DNAJC6: variants seen among roughly 807,000 people sequenced by gnomAD.
The protein encoded by DNAJC6 is DnaJ heat shock protein family (Hsp40) member C6, also known as auxilin.
Under a neutral mutation model 110.0 loss-of-function variants are expected in DNAJC6, and 34 were observed. The observed-to-expected ratio is 0.31, with a 90% confidence interval of 0.24 to 0.41. DNAJC6 has a LOEUF of 0.41. Ranked by LOEUF, DNAJC6 falls within the 10% of genes least tolerant of loss-of-function variation. DNAJC6 has a pLI of 1.00. For missense variants in DNAJC6, 1,031 were observed against 1,207.8 expected, an observed-to-expected ratio of 0.85 and a Z score of 2.17; for synonymous variants, 406 against 437.2, an observed-to-expected ratio of 0.93 and a Z score of 0.89.
At chr1:65,265,849 G>A (rs1186517393) in intron 1 of DNAJC6, among the ~76,000 whole-genome samples, 1 of 152,108 alleles carries the variant, frequency 6.6e-6, no homozygotes, top group East Asian at 1.9e-4. Context: ...GCCCGTCCGG[G>A]CGGAGGACGC....
rs1306325859 is a variant in DNAJC6, at chr1:65,399,005, A to T, written c.2107+124A>T. 5.3e-6 allele frequency: 5 copies of T among 947,958 alleles called. 1 individual carries two copies. The East Asian group carries it at 1.3e-4, about 25-fold the overall frequency. 58.7% of individuals were successfully genotyped at this position (947,958 alleles called of 1,614,324 possible). ...GTGTAATTTGTGTCACTTTTTCCTA[A>T]AGATTCATATTCTAGAAGAGCTTTT... On this transcript the variant is annotated intron_variant, in intron 14 of 18. Coordinates refer to ENST00000371069, the MANE Select transcript of DNAJC6 (RefSeq NM_001256864.2).
At position 65,336,433 on chromosome 1, in the gene DNAJC6, C is replaced by T. The variant is rs576179881; in HGVS notation, c.193+26495C>T. Among the ~76,000 whole-genome samples the T allele has an allele frequency of 9.9e-5, 15 of 152,228 alleles. No homozygotes were observed. The East Asian group carries it at 2.7e-3, about 27-fold the overall frequency. The stretch of plus-strand genomic sequence containing the variant: ...ACAGCCAAACCATGTCAACATTGTA[C>T]ATGATATATGTAGTACCTAAATATA... On this transcript the variant is annotated intron_variant, in intron 1 of 18. Transcript: ENST00000371069.
chr1:65,304,622 C>G (rs938627242), upstream of DNAJC6, among the ~76,000 whole-genome samples: 1 of 152,106 alleles, frequency 6.6e-6, no homozygotes. Context: ...TCAAGGCCAC[C>G]CTGCTGATTA....
At chr1:65,316,659 C>A (rs1645151612) in intron 1 of DNAJC6, among the ~76,000 whole-genome samples, 1 of 152,092 alleles carries the variant, frequency 6.6e-6, no homozygotes, top group African/African-American at 2.4e-5. Context: ...CCATCCAAAT[C>A]TAAAAATAAG....
intron 1 of DNAJC6, among the ~76,000 whole-genome samples, chr1:65,319,173 G>A (rs1351053372): frequency 6.6e-6 from 1 of 152,224 alleles, no homozygotes; most frequent in Non-Finnish European, 1.5e-5. Flanking sequence ...AGTATTTCTA[G>A]TCTCAGCCAG....
Position 65,406,140 on chromosome 1 carries a change from A to C in DNAJC6, c.2491+7A>C. 1 of 1,612,078 alleles carries C rather than the reference A, an allele frequency of 6.2e-7. No individual in the cohort carries two copies. The highest frequency in any genetic ancestry group is 8.5e-7 in the Non-Finnish European group (1 of 1,178,772). The stretch of plus-strand genomic sequence containing the variant: ...AAAGGATCAAGTAATTTGGGTAAGG[A>C]TAATGGTATGGGACCTAGCTATGGG... On this transcript the variant is annotated splice_region_variant and intron_variant, in intron 16 of 18. Transcript: ENST00000371069.
At chr1:65,320,465 C>G (rs1645187873) in intron 1 of DNAJC6, among the ~76,000 whole-genome samples, 2 of 152,174 alleles carry the variant, frequency 1.3e-5, no homozygotes, top group Non-Finnish European at 2.9e-5. Flanking sequence ...TAAGCTCTGA[C>G]TTTGTCATTT....
chr1:65,402,190 G>A (rs1448139044), intron 15 of DNAJC6, among the ~76,000 whole-genome samples: 2 of 152,190 alleles, frequency 1.3e-5, no homozygotes, highest in Admixed American at 6.5e-5. Flanking sequence ...TAATGCGTAG[G>A]GAAACAGTAT....
chr1:65,368,478 G>A lies in DNAJC6; in HGVS notation c.543+2282G>A, dbSNP rs117281675. ...AAGCTACCCATGTCACACACCCTTCGTCTCCTTCCTTCCTTCCTTCTTCCC... is the reference window on the plus strand; with the variant it reads ...AAGCTACCCATGTCACACACCCTTCATCTCCTTCCTTCCTTCCTTCTTCCC... On this transcript the variant is annotated intron_variant, in intron 4 of 18. Coordinates refer to ENST00000371069, the MANE Select transcript of DNAJC6 (RefSeq NM_001256864.2). Among the ~76,000 whole-genome samples the A allele has an allele frequency of 5.9e-5, 9 of 151,600 alleles. No individual in the cohort carries two copies. In the East Asian group the frequency reaches 1.4e-3, roughly 23 times the overall value.
At chr1:65,295,435 T>A (rs994516804) in intron 1 of DNAJC6, among the ~76,000 whole-genome samples, 1 of 152,260 alleles carries the variant, frequency 6.6e-6, no homozygotes, top group East Asian at 1.9e-4. Context: ...AAAAGTCCTG[T>A]GAAAAAGCCA....
chr1:65,265,057 A>C, intron 1 of DNAJC6: 1 of 803,056 alleles, frequency 1.2e-6, no homozygotes, highest in Non-Finnish European at 2.0e-6. Context: ...TACCATACCT[A>C]TATTAACATT....
chr1:65,309,502 C>CCCCCCCGG, upstream of DNAJC6: 2 of 1,118,004 alleles, frequency 1.8e-6, no homozygotes, highest in Non-Finnish European at 2.2e-6. Context: ...CGCCCCCGCC[C>CCCCCCCGG]GGCCGCGTCT....
rs569508338 is a variant in DNAJC6 at position 65,343,752 on chromosome 1, G to A, written c.194-20883G>A. The stretch of plus-strand genomic sequence containing the variant: ...AAGTTCCTGACTTAATAAAAAAAAA[G>A]GAAAAAAAAATATTCCGAGGTTGTA... On this transcript the variant is annotated intron_variant, in intron 1 of 18. Coordinates refer to ENST00000371069, the MANE Select transcript of DNAJC6 (RefSeq NM_001256864.2). Among the ~76,000 whole-genome samples, 1,054 of 151,194 alleles carry A rather than the reference G, an allele frequency of 7.0e-3. 10 individuals carry two copies. The highest frequency in any genetic ancestry group is 0.024 in the African/African-American group (1,004 of 41,128).
At chr1:65,379,642 A>G in intron 5 of DNAJC6, 118 bp downstream of exon 5, 26 of 1,378,016 alleles carry the variant, frequency 1.9e-5, no homozygotes, top group Non-Finnish European at 2.6e-5. Context: ...GCCCATATTT[A>G]GGAATTGGGT....
intron 1 of DNAJC6, among the ~76,000 whole-genome samples, chr1:65,347,516 C>G (rs1323397120): frequency 6.6e-6 from 1 of 151,604 alleles, no homozygotes; most frequent in Non-Finnish European, 1.5e-5. Flanking sequence ...TTTCCACATT[C>G]TTTATGTCTT....
In DNAJC6 at chr1:65,397,421, A is replaced by T. The variant is rs186965053; in HGVS notation, c.2039-1392A>T. Among the ~76,000 whole-genome samples, 265 of 152,360 alleles carry T rather than the reference A, an allele frequency of 1.7e-3. 1 individual carries two copies. Among genetic ancestry groups the T allele is most frequent in the African/African-American group, 6.2e-3 (258 of 41,586 alleles). On this transcript the variant is annotated intron_variant, in intron 13 of 18. Coordinates refer to ENST00000371069, the MANE Select transcript of DNAJC6 (RefSeq NM_001256864.2). ...ACTTGGGACATGATGTTGGAAGAACAAATAAATAATCATAATAAAAGGCAA... is the reference window on the plus strand; with the variant it reads ...ACTTGGGACATGATGTTGGAAGAACTAATAAATAATCATAATAAAAGGCAA...
chr1:65,318,903 C>T (rs1645171926), intron 1 of DNAJC6, among the ~76,000 whole-genome samples: 1 of 152,128 alleles, frequency 6.6e-6, no homozygotes, highest in African/African-American at 2.4e-5. Context: ...GATTCCTGGG[C>T]CCCAAGCATG....
In DNAJC6 at chr1:65,355,882, C is replaced by CTTTTT. The variant is rs372078909; in HGVS notation, c.194-8734_194-8730dup. 4.5e-4 allele frequency among the ~76,000 whole-genome samples: 37 copies of CTTTTT among 82,842 alleles called. 2 individuals are homozygous for CTTTTT. Among genetic ancestry groups the CTTTTT allele is most frequent in the South Asian group, 1.0e-3 (2 of 1,910 alleles). The allele number at this position is 82,842 out of a possible 152,430, so 54.3% of individuals were successfully genotyped here. On this transcript the variant is annotated intron_variant, in intron 1 of 18. Coordinates refer to ENST00000371069, the MANE Select transcript of DNAJC6 (RefSeq NM_001256864.2). ...TTAACCCTGAAATGGAACAGCATGGCTTTTTTTTTTTTTTTTTTTTTTTCT... is the reference window on the plus strand; with the variant it reads ...TTAACCCTGAAATGGAACAGCATGGCTTTTTTTTTTTTTTTTTTTTTTTTTTTTCT...
chr1:65,357,071 C>T (rs764932467), intron 1 of DNAJC6, among the ~76,000 whole-genome samples: 47 of 152,174 alleles, frequency 3.1e-4, no homozygotes, highest in Non-Finnish European at 6.6e-4. Context: ...GACACGAGTT[C>T]CTTCCTTGCC....
Sources: gnomAD v4.1 joint callset for allele counts (sites outside exome capture counted in the v4.1 genomes callset) on GRCh38, gnomAD v4.1.1 for gene constraint, MANE v1.5 for transcripts, NCBI Gene and HGNC (gene_info 2026-07-23, HGNC 2026-07-21) for gene names.